PCDH15: variants seen among roughly 807,000 people sequenced by gnomAD.
The protein encoded by PCDH15 is protocadherin related 15.
In PCDH15, 129 loss-of-function variants were observed where a neutral mutation model predicts 178.5. The ratio of observed to expected loss-of-function variants is 0.72; its 90% CI spans 0.63 to 0.84. The LOEUF (loss-of-function observed/expected upper bound fraction) is 0.84. Among genes scored for constraint, PCDH15 ranks in the 40% least tolerant of loss-of-function variants. The pLI, the probability that PCDH15 is intolerant of heterozygous loss-of-function variation, is 0.00. For missense variants in PCDH15, 2,230 were observed against 2,099.9 expected, an observed-to-expected ratio of 1.06 and a Z score of -1.21; for synonymous variants, 800 against 732.0, an observed-to-expected ratio of 1.09 and a Z score of -1.50.
Position 55,383,692 on chromosome 10 carries a change from T to A in PCDH15, c.-155-217041A>T, listed in dbSNP as rs967067233. ...TCCCTCAAGCATGCTCATAGACACT[T>A]GTAGTAGTTTTGATATGTATCTCTT... On this transcript the variant is annotated intron_variant, in intron 2 of 5. Transcript: ENST00000613346. 6.6e-5 allele frequency among the ~76,000 whole-genome samples: 10 copies of A among 152,274 alleles called. No homozygotes were observed. In the East Asian group the frequency reaches 1.9e-3, roughly 29 times the overall value.
chr10:54,937,362 G>C (rs1837934229), intron 2 of PCDH15, among the ~76,000 whole-genome samples: 1 of 151,932 alleles, frequency 6.6e-6, no homozygotes, highest in African/African-American at 2.4e-5. Flanking sequence ...AAAGCACTTT[G>C]ATCATGATAG....
rs1312858683 is a variant in PCDH15, at chr10:54,757,984, C to T, written c.-29+42941G>A. 2.6e-5 allele frequency among the ~76,000 whole-genome samples: 4 copies of T among 152,240 alleles called. No individual in the cohort carries two copies. The South Asian group carries it at 6.2e-4, about 24-fold the overall frequency. ...CCTTCATTGCTTTATATTATTTGAGCTGCTTTTCTTTCCCTTGTAATCAAA... is the reference window on the plus strand; with the variant it reads ...CCTTCATTGCTTTATATTATTTGAGTTGCTTTTCTTTCCCTTGTAATCAAA... On this transcript the variant is annotated intron_variant, in intron 1 of 37. Transcript: ENST00000644397.
At chr10:53,902,136 G>A (rs1197360635) in intron 26 of PCDH15, among the ~76,000 whole-genome samples, 1 of 152,070 alleles carries the variant, frequency 6.6e-6, no homozygotes, top group Non-Finnish European at 1.5e-5. Flanking sequence ...CAGCTACAAA[G>A]GATTCCTACT....
chr10:54,869,268 T>C (rs1953993313), intron 3 of PCDH15: 1 of 152,146 alleles, frequency 6.6e-6, no homozygotes, highest in South Asian at 2.1e-4. Context: ...ATAGCTACCA[T>C]ACCACAAGTA....
At chr10:54,435,570 ATT>A (rs1306690630) in intron 3 of PCDH15, among the ~76,000 whole-genome samples, 1 of 152,208 alleles carries the variant, frequency 6.6e-6, no homozygotes, top group Non-Finnish European at 1.5e-5. Flanking sequence ...TCTCATTAGC[ATT>A]AAATGTCACA....
At chr10:54,669,096 C>A (rs1265303369) in intron 1 of PCDH15, among the ~76,000 whole-genome samples, 2 of 152,082 alleles carry the variant, frequency 1.3e-5, no homozygotes, top group Non-Finnish European at 2.9e-5. Context: ...CTGTATCTTA[C>A]CATACTAAAT....
chr10:55,508,568 T>C (rs989853739), intron 2 of PCDH15, among the ~76,000 whole-genome samples: 1 of 151,778 alleles, frequency 6.6e-6, no homozygotes, highest in Non-Finnish European at 1.5e-5. Context: ...AGATTAACCA[T>C]ACACATAACT....
At chr10:54,994,568 T>C (rs1839587834) in intron 2 of PCDH15, among the ~76,000 whole-genome samples, 1 of 152,182 alleles carries the variant, frequency 6.6e-6, no homozygotes, top group South Asian at 2.1e-4. Flanking sequence ...TATAGAAGTT[T>C]ACATTATAAA....
intron 2 of PCDH15, among the ~76,000 whole-genome samples, chr10:55,466,301 CCTAA>C (rs1839829990): frequency 6.6e-6 from 1 of 151,830 alleles, no homozygotes; most frequent in Non-Finnish European, 1.5e-5. Flanking sequence ...TCTACTTTGG[CCTAA>C]CTTTTATGTT....
intron 15 of PCDH15, among the ~76,000 whole-genome samples, chr10:54,100,138 C>T (rs527868389): frequency 1.2e-4 from 18 of 152,042 alleles, no homozygotes; most frequent in East Asian, 1.2e-3. Flanking sequence ...GAGCCCAAGG[C>T]GGGCAGATCA....
chr10:54,221,641 T>C (rs1357699328), intron 9 of PCDH15, among the ~76,000 whole-genome samples: 2 of 152,060 alleles, frequency 1.3e-5, no homozygotes, highest in African/African-American at 2.4e-5. Flanking sequence ...TTTGCTCTTT[T>C]TTCTAGTCTG....
At position 55,054,542 on chromosome 10, in the gene PCDH15, C is replaced by A. The variant is rs536172834; in HGVS notation, c.-80+112034G>T. On this transcript the variant is annotated intron_variant, in intron 2 of 5. Transcript: ENST00000458638. ...ATTTATATTTCTTTGGATATATACC[C>A]AGAAATGGGATTACTGGGTCAAATA... 5.3e-5 allele frequency among the ~76,000 whole-genome samples: 8 copies of A among 152,208 alleles called. No individual in the cohort carries two copies. The East Asian group carries it at 5.8e-4, about 11-fold the overall frequency.
chr10:55,104,128 G>A (rs1397006651), intron 2 of PCDH15, among the ~76,000 whole-genome samples: 1 of 151,858 alleles, frequency 6.6e-6, no homozygotes, highest in Non-Finnish European at 1.5e-5. Context: ...AGTAGAATTA[G>A]CCTATAACTT....
intron 8 of PCDH15, among the ~76,000 whole-genome samples, chr10:54,294,947 T>C (rs551729422): frequency 3.9e-5 from 6 of 152,318 alleles, no homozygotes; most frequent in South Asian, 2.1e-4. Flanking sequence ...GGAGAAGATA[T>C]AGTTGGTGCA....
At chr10:54,378,430 G>A (rs999074397) in intron 4 of PCDH15, among the ~76,000 whole-genome samples, 5 of 151,896 alleles carry the variant, frequency 3.3e-5, no homozygotes, top group Non-Finnish European at 7.4e-5. Context: ...TCTTCAAGCC[G>A]GCAGCTGAGT....
At chr10:54,782,630 CA>C (rs1157148535) in intron 1 of PCDH15, among the ~76,000 whole-genome samples, 1 of 151,774 alleles carries the variant, frequency 6.6e-6, no homozygotes, top group Non-Finnish European at 1.5e-5. Context: ...TGAGATAATC[CA>C]AAAGAGAACC....
intron 3 of PCDH15, among the ~76,000 whole-genome samples, chr10:54,513,626 T>C (rs1263723001): frequency 6.6e-6 from 1 of 152,218 alleles, no homozygotes; most frequent in Non-Finnish European, 1.5e-5. Context: ...TGTATTTTTA[T>C]ACATGCAAGG....
intron 2 of PCDH15, among the ~76,000 whole-genome samples, chr10:55,352,774 A>T (rs952947489): frequency 6.6e-6 from 1 of 152,162 alleles, no homozygotes. Flanking sequence ...GGTGATGACC[A>T]GCTGAGTGGT....
At chr10:54,229,635 T>C (rs1015346011) in intron 9 of PCDH15, among the ~76,000 whole-genome samples, 4 of 152,130 alleles carry the variant, frequency 2.6e-5, no homozygotes, top group Admixed American at 6.6e-5. Flanking sequence ...GTATTAAAAG[T>C]GGGAGTTTCC....
Sources: gnomAD v4.1 joint callset for allele counts (sites outside exome capture counted in the v4.1 genomes callset) on GRCh38, gnomAD v4.1.1 for gene constraint, MANE v1.5 for transcripts, NCBI Gene and HGNC (gene_info 2026-07-23, HGNC 2026-07-21) for gene names.